The following SHQ1 variants were observed in gnomAD, a reference collection of about 807,000 sequenced individuals.
SHQ1 encodes the protein protein SHQ1 homolog.
SHQ1 carries 49 observed loss-of-function variants against 53.8 expected under a neutral mutation model. That is an observed-to-expected ratio of 0.91 (90% CI 0.72 to 1.16). SHQ1 has a LOEUF of 1.16. SHQ1 is among the 50% of genes most tolerant of loss of function. SHQ1 has a pLI of 0.00. For synonymous variants in SHQ1, 243 were observed against 251.0 expected (o/e 0.97, Z 0.30); for missense variants, 738 against 683.1 (o/e 1.08, Z -0.90).
At chr3:72,805,145 T>C (rs941114077) in intron 9 of SHQ1, among the ~76,000 whole-genome samples, 3 of 152,168 alleles carry the variant, frequency 2.0e-5, no homozygotes, top group African/African-American at 7.2e-5. Context: ...CTTCAGCTCT[T>C]TTCTGATTAA....
the SHQ1 span, among the ~76,000 whole-genome samples, chr3:72,737,959 T>A: frequency 6.6e-6 from 1 of 152,186 alleles, no homozygotes; most frequent in African/African-American, 2.4e-5. Flanking sequence ...ACAATGCTGA[T>A]CTGGGCCCAC....
chr3:72,810,918 T>C (rs758295524), intron 9 of SHQ1, among the ~76,000 whole-genome samples: 3 of 152,196 alleles, frequency 2.0e-5, no homozygotes, highest in Non-Finnish European at 4.4e-5. Flanking sequence ...AGGCCTCCAG[T>C]GTGTTACTTC....
chr3:72,776,334 T>C (rs1705957771), intron 10 of SHQ1, among the ~76,000 whole-genome samples: 1 of 152,198 alleles, frequency 6.6e-6, no homozygotes. Context: ...TGTTGAGATA[T>C]ACAAATACCA....
chr3:72,754,724 T>C (rs932629224), intron 10 of SHQ1, among the ~76,000 whole-genome samples: 3 of 152,162 alleles, frequency 2.0e-5, no homozygotes, highest in East Asian at 1.9e-4. Context: ...TCTTCCTAAC[T>C]TGAGCTCCAC....
rs188167427 is a variant in SHQ1 at position 72,799,296 on chromosome 3, T to C, written c.1061-6260A>G. On this transcript the variant is annotated intron_variant, in intron 9 of 10. Coordinates refer to ENST00000325599, the MANE Select transcript of SHQ1 (RefSeq NM_018130.3). ...CAGCCAACATTACTATCATTTAAAA[T>C]ACAAAACTTAGTATAATAGATACCT... 4.0e-3 allele frequency among the ~76,000 whole-genome samples: 616 copies of C among 152,324 alleles called. 2 individuals are homozygous for C. The highest frequency in any genetic ancestry group is 4.7e-3 in the Non-Finnish European group (321 of 68,028).
At chr3:72,726,266 G>A in the SHQ1 span, among the ~76,000 whole-genome samples, 2 of 152,208 alleles carry the variant, frequency 1.3e-5, no homozygotes, top group African/African-American at 4.8e-5. Flanking sequence ...CTCTCAGCCA[G>A]GCCGCCTCCC....
chr3:72,813,559 C>G (rs940263540), intron 8 of SHQ1, among the ~76,000 whole-genome samples: 3 of 150,904 alleles, frequency 2.0e-5, no homozygotes, highest in African/African-American at 7.3e-5. Context: ...GCCAGGAGAT[C>G]GAGACCACCC....
intron 10 of SHQ1, among the ~76,000 whole-genome samples, chr3:72,755,786 A>C (rs925009487): frequency 3.3e-5 from 5 of 152,246 alleles, no homozygotes; most frequent in Admixed American, 6.5e-5. Flanking sequence ...AGCTCACTTA[A>C]GGTAGGTAGT....
At chr3:72,839,962 G>A (rs547867319) in intron 4 of SHQ1, among the ~76,000 whole-genome samples, 23 of 152,060 alleles carry the variant, frequency 1.5e-4, no homozygotes, top group African/African-American at 4.6e-4. Context: ...GGGTTTCACC[G>A]TGTTAGCCAA....
chr3:72,798,244 A>C (rs775061818), intron 9 of SHQ1, among the ~76,000 whole-genome samples: 1 of 152,244 alleles, frequency 6.6e-6, no homozygotes, highest in Admixed American at 6.5e-5. Flanking sequence ...TTTGCACCAC[A>C]AAATGGCACT....
chr3:72,746,638 G>T (rs1403865368), downstream of SHQ1, among the ~76,000 whole-genome samples: 1 of 152,182 alleles, frequency 6.6e-6, no homozygotes, highest in African/African-American at 2.4e-5. Context: ...GCCTGGCTTT[G>T]AGGATGTCCG....
chr3:72,728,608 G>A, the SHQ1 span, among the ~76,000 whole-genome samples: 1 of 152,202 alleles, frequency 6.6e-6, no homozygotes, highest in Non-Finnish European at 1.5e-5. Context: ...CAGAGTTTGG[G>A]GTGCGGCTGC....
At chr3:72,824,787 CTTTT>C (rs36082106) in intron 5 of SHQ1, among the ~76,000 whole-genome samples, 1 of 142,760 alleles carries the variant, frequency 7.0e-6, no homozygotes, top group South Asian at 2.2e-4. Flanking sequence ...TTGCTGATCT[CTTTT>C]TTTTTTTTTT....
At chr3:72,802,104 G>C (rs750085395) in intron 9 of SHQ1, among the ~76,000 whole-genome samples, 4 of 152,192 alleles carry the variant, frequency 2.6e-5, no homozygotes, top group Non-Finnish European at 4.4e-5. Context: ...AATTAAATGA[G>C]ACAACAAACA....
chr3:72,820,106 C>T (rs1397497990), intron 6 of SHQ1, among the ~76,000 whole-genome samples: 1 of 152,176 alleles, frequency 6.6e-6, no homozygotes. Flanking sequence ...ACAAAGTAAG[C>T]ATGCCCAGAA....
intron 10 of SHQ1, among the ~76,000 whole-genome samples, chr3:72,760,108 G>T (rs953568759): frequency 2.6e-5 from 4 of 152,086 alleles, no homozygotes; most frequent in Admixed American, 2.0e-4. Flanking sequence ...GTTTACTATG[G>T]TGAGTGGTTC....
intron 1 of SHQ1, among the ~76,000 whole-genome samples, chr3:72,845,485 CAAAAAAAAAAAAAGA>C (rs1222567886): frequency 1.6e-5 from 2 of 123,696 alleles, no homozygotes; most frequent in African/African-American, 5.9e-5. Context: ...ATTCTGTGTC[CAAAAAAAAAAAAAGA>C]AAAAAGAAAT....
At position 72,833,507 on chromosome 3, in the gene SHQ1, C is replaced by T. The variant is rs12381229; in HGVS notation, c.487-1026G>A. Among the ~76,000 whole-genome samples the T allele has an allele frequency of 0.013, 598 of 46,446 alleles. 5 individuals are homozygous for T. The East Asian group carries it at 0.15, about 12-fold the overall frequency. 30.5% of individuals were successfully genotyped at this position (46,446 alleles called of 152,430 possible). A position where few individuals can be genotyped will look rare whatever the true frequency, so the allele number is the denominator to read the frequency against. ...ATAGATAGATAGATAGATAGACAGA[C>T]AGACAGACAGATAGATGGATGATAG... On this transcript the variant is annotated intron_variant, in intron 4 of 10. Transcript: ENST00000325599.
chr3:72,817,197 T>C (rs759935650), intron 7 of SHQ1, 33 bp downstream of exon 7: 2 of 1,597,146 alleles, frequency 1.3e-6, no homozygotes, highest in Non-Finnish European at 1.7e-6. Context: ...AGCACAGTCA[T>C]CTATGGCAAC....
Sources: gnomAD v4.1 joint callset for allele counts (sites outside exome capture counted in the v4.1 genomes callset) on GRCh38, gnomAD v4.1.1 for gene constraint, MANE v1.5 for transcripts, NCBI Gene and HGNC (gene_info 2026-07-23, HGNC 2026-07-21) for gene names.